Variants in PAPPA2 observed in about 807,000 individuals in gnomAD.
The protein encoded by PAPPA2 is pappalysin 2.
PAPPA2 carries 86 observed loss-of-function variants against 176.4 expected under a neutral mutation model. The ratio of observed to expected loss-of-function variants is 0.49; its 90% CI spans 0.41 to 0.58. PAPPA2 has a LOEUF of 0.58. Among genes scored for constraint, PAPPA2 ranks in the 20% least tolerant of loss-of-function variants. The pLI is 0.00. For synonymous variants in PAPPA2, 809 were observed against 852.2 expected (o/e 0.95, Z 0.88); for missense variants, 2,073 against 2,256.9 (o/e 0.92, Z 1.65).
At chr1:176,508,103 AC>A (rs1203944482) in intron 1 of PAPPA2, among the ~76,000 whole-genome samples, 5 of 152,136 alleles carry the variant, frequency 3.3e-5, no homozygotes, top group African/African-American at 9.6e-5. Flanking sequence ...AAGCTTAAAA[AC>A]AATCTTCAAA....
At chr1:176,525,302 G>A (rs1008692239) in intron 1 of PAPPA2, among the ~76,000 whole-genome samples, 2 of 152,168 alleles carry the variant, frequency 1.3e-5, no homozygotes, top group African/African-American at 4.8e-5. Flanking sequence ...TTCATTTCAA[G>A]CATTTATCTG....
At position 176,695,844 on chromosome 1, in the gene PAPPA2, C is replaced by A. The variant is rs1392761563; in HGVS notation, c.2731C>A (p.Pro911Thr). The change falls in exon 7 of 23, where the codon CCA becomes ACA. Residue 911 changes from proline to threonine, a missense_variant. This residue lies in a region of PAPPA2 where 1,196 missense variants were observed against 1,330.4 expected (regional missense o/e 0.90). Coordinates refer to ENST00000367662, the MANE Select transcript of PAPPA2 (RefSeq NM_020318.3). ...GTGTGACTCCTCAGGTTATTGGACC[C>A]CAGAGGAGGCTGTGGGTAAAGTACC... ...RVCDSSGYWT[P>T]EEAVGPPDVD... The A allele has an allele frequency of 6.2e-7, 1 of 1,613,928 alleles. No homozygotes were observed.
rs571254779 is a variant in PAPPA2, at chr1:176,780,373, G to GA, written c.4715+9195dup. 7.8e-4 allele frequency among the ~76,000 whole-genome samples: 118 copies of GA among 152,256 alleles called. No individual in the cohort carries two copies. In the Middle Eastern group the frequency reaches 0.01, roughly 13 times the overall value. ...TACAGTGTGTTGCTCTTTTCTGCCA[G>GA]AATTTTGTTCCAGTGGACTTCCCTC... On this transcript the variant is annotated intron_variant, in intron 17 of 22. Transcript: ENST00000367662.
chr1:176,601,896 A>G (rs1654344796), intron 3 of PAPPA2, among the ~76,000 whole-genome samples: 1 of 152,170 alleles, frequency 6.6e-6, no homozygotes, highest in Non-Finnish European at 1.5e-5. Context: ...TGCTGCACCT[A>G]CTTTCCATCC....
chr1:176,642,474 T>C (rs1657154043), intron 3 of PAPPA2, among the ~76,000 whole-genome samples: 1 of 151,820 alleles, frequency 6.6e-6, no homozygotes, highest in Non-Finnish European at 1.5e-5. Context: ...AGTTTGATGT[T>C]GTTGGAACAT....
intron 12 of PAPPA2, among the ~76,000 whole-genome samples, chr1:176,713,526 G>A (rs1661234657): frequency 6.6e-6 from 1 of 152,112 alleles, no homozygotes; most frequent in African/African-American, 2.4e-5. Flanking sequence ...ACTTATTATA[G>A]TCCTTGATAC....
At chr1:176,816,379 A>G (rs947003896) in intron 21 of PAPPA2, among the ~76,000 whole-genome samples, 12 of 15,042 alleles carry the variant, frequency 8.0e-4, no homozygotes, top group African/African-American at 1.5e-3. Context: ...ATCATCACGC[A>G]CACACACACA....
At chr1:176,798,099 G>A (rs1045394326) in intron 20 of PAPPA2, among the ~76,000 whole-genome samples, 1 of 152,158 alleles carries the variant, frequency 6.6e-6, no homozygotes, top group Non-Finnish European at 1.5e-5. Flanking sequence ...GTTAAGGAGA[G>A]ATGTCAGTAT....
intron 2 of PAPPA2, among the ~76,000 whole-genome samples, chr1:176,576,804 T>C (rs1219397899): frequency 2.6e-5 from 4 of 152,184 alleles, no homozygotes; most frequent in African/African-American, 9.7e-5. Flanking sequence ...CACAGTAAAA[T>C]CTGAGAAGCT....
At chr1:176,544,289 CAATATT>C (rs1650508660) in intron 1 of PAPPA2, among the ~76,000 whole-genome samples, 1 of 152,138 alleles carries the variant, frequency 6.6e-6, no homozygotes, top group African/African-American at 2.4e-5. Context: ...ATAAAAATGA[CAATATT>C]AATAATATCT....
At chr1:176,710,387 C>T (rs551440419) in intron 11 of PAPPA2, among the ~76,000 whole-genome samples, 70 of 152,070 alleles carry the variant, frequency 4.6e-4, no homozygotes, top group Admixed American at 3.3e-3. Flanking sequence ...AAGGTTCTCA[C>T]CTGGAAAAAT....
intron 12 of PAPPA2, among the ~76,000 whole-genome samples, chr1:176,736,790 A>G (rs951265579): frequency 2.0e-5 from 3 of 151,184 alleles, no homozygotes; most frequent in African/African-American, 7.3e-5. Flanking sequence ...GAAAAATTAT[A>G]TATTTATTTT....
At chr1:176,741,056 T>G (rs1480450127) in intron 14 of PAPPA2, among the ~76,000 whole-genome samples, 1 of 151,306 alleles carries the variant, frequency 6.6e-6, no homozygotes, top group Admixed American at 6.6e-5. Context: ...GGGATGGGAG[T>G]AGAGAGTACT....
chr1:176,708,692 C>T (rs1447745740), intron 10 of PAPPA2, among the ~76,000 whole-genome samples: 1 of 152,020 alleles, frequency 6.6e-6, no homozygotes, highest in African/African-American at 2.4e-5. Flanking sequence ...TGGCTTATAT[C>T]TGGCAAGTAG....
chr1:176,744,338 C>T (rs1662812084), intron 14 of PAPPA2, among the ~76,000 whole-genome samples: 1 of 152,108 alleles, frequency 6.6e-6, no homozygotes, highest in Non-Finnish European at 1.5e-5. Flanking sequence ...GTCTTTGCTG[C>T]CAGTGAGCCC....
intron 21 of PAPPA2, among the ~76,000 whole-genome samples, chr1:176,838,731 T>C (rs1264832449): frequency 6.6e-6 from 1 of 152,220 alleles, no homozygotes; most frequent in Non-Finnish European, 1.5e-5. Flanking sequence ...CTTTGTCTTT[T>C]ATCCCAGTGA....
At chr1:176,748,088 A>T (rs1426044446) in intron 14 of PAPPA2, among the ~76,000 whole-genome samples, 8 of 152,200 alleles carry the variant, frequency 5.3e-5, no homozygotes, top group Non-Finnish European at 1.0e-4. Context: ...GATTAGAAGC[A>T]TGTCACTTGT....
intron 3 of PAPPA2, among the ~76,000 whole-genome samples, chr1:176,624,720 T>C (rs12073069): frequency 0.5 from 76,428 of 152,068 alleles, 21,361 homozygotes; most frequent in African/African-American, 0.74. Flanking sequence ...CACTTCTATC[T>C]CCATCCCAGT....
chr1:176,567,488 C>T (rs1397358058), intron 2 of PAPPA2, among the ~76,000 whole-genome samples: 2 of 152,162 alleles, frequency 1.3e-5, no homozygotes, highest in African/African-American at 4.8e-5. Context: ...GCTAACTTTC[C>T]TACAAATAAT....
Sources: allele counts gnomAD v4.1 joint callset (sites outside exome capture counted in the v4.1 genomes callset), GRCh38; gene constraint gnomAD v4.1.1; regional missense constraint gnomAD v4.1.1; transcripts MANE v1.5; gene names NCBI Gene and HGNC (gene_info 2026-07-23, HGNC 2026-07-21).